PLEKHA3: variants seen among roughly 807,000 people sequenced by gnomAD.
The protein encoded by PLEKHA3 is pleckstrin homology domain-containing family A member 3.
Under a neutral mutation model 39.2 loss-of-function variants are expected in PLEKHA3, and 19 were observed. The ratio of observed to expected loss-of-function variants is 0.48; its 90% CI spans 0.34 to 0.71. The LOEUF (loss-of-function observed/expected upper bound fraction) is 0.71, where lower values mean the gene tolerates loss of function less well. PLEKHA3 is among the 30% of genes least tolerant of loss of function. PLEKHA3 has a pLI of 0.01. For synonymous variants in PLEKHA3, 97 were observed against 118.6 expected (o/e 0.82, Z 1.18); for missense variants, 253 against 359.5 (o/e 0.70, Z 2.40).
rs916211470 is a variant in PLEKHA3 at position 178,513,870 on chromosome 2, A to G, written c.*9983A>G. ...TTAAAAGTCTTCATTTGACAAATTTATATGGTAAATGAGCATAAAATGAAT... is the reference window on the plus strand; with the variant it reads ...TTAAAAGTCTTCATTTGACAAATTTGTATGGTAAATGAGCATAAAATGAAT... On this transcript the variant is annotated 3_prime_UTR_variant, in exon 8 of 8. Coordinates refer to ENST00000234453, the MANE Select transcript of PLEKHA3 (RefSeq NM_019091.4). 4.6e-5 allele frequency: 7 copies of G among 152,292 alleles called. No individual in the cohort carries two copies. Among genetic ancestry groups the G allele is most frequent in the African/African-American group, 1.4e-4 (6 of 41,556 alleles). The allele number at this position is 152,292 out of a possible 1,614,324, so 9.4% of individuals were successfully genotyped here. A position where few individuals can be genotyped will look rare whatever the true frequency, so the allele number is the denominator to read the frequency against.
rs189332824 is a variant in PLEKHA3, at chr2:178,494,441, C to A, written c.450+452C>A. Among the ~76,000 whole-genome samples, 218 of 152,286 alleles carry A rather than the reference C, an allele frequency of 1.4e-3. 5 individuals are homozygous for A. The South Asian group carries it at 0.022, about 15-fold the overall frequency. The stretch of plus-strand genomic sequence containing the variant: ...GAATCAAAACTCAGATTAGTAGGAT[C>A]GGGCTATAATAGGCTCATTCTTCAT... On this transcript the variant is annotated intron_variant, in intron 4 of 7. Transcript: ENST00000234453.
intron 5 of PLEKHA3, among the ~76,000 whole-genome samples, chr2:178,498,551 A>G (rs1004245851): frequency 6.6e-6 from 1 of 152,148 alleles, no homozygotes; most frequent in African/African-American, 2.4e-5. Flanking sequence ...TTATATTTTG[A>G]TGGAGTAGTT....
At chr2:178,496,923 T>C (rs1685459232) in intron 5 of PLEKHA3, among the ~76,000 whole-genome samples, 1 of 152,006 alleles carries the variant, frequency 6.6e-6, no homozygotes. Context: ...CCCAAGCTGG[T>C]CTCAAACTCC....
chr2:178,483,680 G>A (rs1978580), intron 1 of PLEKHA3, among the ~76,000 whole-genome samples: 55,772 of 152,018 alleles, frequency 0.37, 12,066 homozygotes, highest in East Asian at 0.66. Flanking sequence ...AATTTGTTTG[G>A]CAAGGTAAAT....
chr2:178,493,790 T>A, intron 3 of PLEKHA3, 63 bp from the exon 4 acceptor site: 1 of 1,425,414 alleles, frequency 7.0e-7, no homozygotes, highest in Non-Finnish European at 9.6e-7. Flanking sequence ...TGATTACATT[T>A]TGTTACATTG....
chr2:178,487,426 TTTTCTTTTC>T (rs1685267583), intron 2 of PLEKHA3, among the ~76,000 whole-genome samples: 1 of 132,228 alleles, frequency 7.6e-6, no homozygotes, highest in Non-Finnish European at 1.6e-5. Flanking sequence ...TTTTTCTTTT[TTTTCTTTTC>T]TTTTCTTTTT....
chr2:178,497,507 G>A (rs1164367792), intron 5 of PLEKHA3, among the ~76,000 whole-genome samples: 1 of 152,196 alleles, frequency 6.6e-6, no homozygotes, highest in East Asian at 1.9e-4. Context: ...TGGGATTACA[G>A]GCGTGAGACA....
rs549730269 is a variant in PLEKHA3 at position 178,487,508 on chromosome 2, G to A, written c.157+1751G>A. Among the ~76,000 whole-genome samples the A allele has an allele frequency of 1.4e-3, 214 of 151,648 alleles. 1 individual carries two copies. The highest frequency in any genetic ancestry group is 2.6e-3 in the Non-Finnish European group (174 of 67,942). Reference sequence around the variant, plus strand: ...GGCTGGAATGCAGTGGTGTGATCATGGCTCACTGCAGCCTCCACCTCCTGG... The same window carrying A: ...GGCTGGAATGCAGTGGTGTGATCATAGCTCACTGCAGCCTCCACCTCCTGG... On this transcript the variant is annotated intron_variant, in intron 2 of 7. Coordinates refer to ENST00000234453, the MANE Select transcript of PLEKHA3 (RefSeq NM_019091.4).
rs1256471340 is a variant in PLEKHA3, at chr2:178,506,201, T to G, written c.*2314T>G. ...TTAGTTATTAGTAGTCCCTTTTTTTTGCTTTGTCTAGGTCATGGGGTTATT... is the reference window on the plus strand; with the variant it reads ...TTAGTTATTAGTAGTCCCTTTTTTTGGCTTTGTCTAGGTCATGGGGTTATT... On this transcript the variant is annotated 3_prime_UTR_variant, in exon 8 of 8. Transcript: ENST00000234453. The G allele has an allele frequency of 2.0e-5, 3 of 152,164 alleles. No individual in the cohort carries two copies. The highest frequency in any genetic ancestry group is 4.4e-5 in the Non-Finnish European group (3 of 68,004). The allele number at this position is 152,164 out of a possible 1,614,324, so 9.4% of individuals were successfully genotyped here. A position where few individuals can be genotyped will look rare whatever the true frequency, so the allele number is the denominator to read the frequency against.
rs756773888 is a variant in PLEKHA3, at chr2:178,510,580, G to A, written c.*6693G>A. ...GCCGTGTAAAGGGCTTGTGGGCGTGGGTGAACACTCTCCTGCTCTTCTGCC... is the reference window on the plus strand; with the variant it reads ...GCCGTGTAAAGGGCTTGTGGGCGTGAGTGAACACTCTCCTGCTCTTCTGCC... On this transcript the variant is annotated 3_prime_UTR_variant, in exon 8 of 8. Coordinates refer to ENST00000234453, the MANE Select transcript of PLEKHA3 (RefSeq NM_019091.4). The A allele has an allele frequency of 3.3e-5, 5 of 153,752 alleles. No individual in the cohort carries two copies. Among genetic ancestry groups the A allele is most frequent in the East Asian group, 3.8e-4 (2 of 5,196 alleles). The allele number at this position is 153,752 out of a possible 1,614,324, so 9.5% of individuals were successfully genotyped here.
At chr2:178,485,601 G>A in intron 1 of PLEKHA3, 40 bp from the exon 2 acceptor site, 2 of 1,232,164 alleles carry the variant, frequency 1.6e-6, no homozygotes, top group Non-Finnish European at 2.4e-6. Flanking sequence ...TGAAAGTAAT[G>A]TGTTTCCAAT....
Position 178,509,453 on chromosome 2 carries a change from A to G in PLEKHA3, c.*5566A>G, listed in dbSNP as rs961650381. 1 of 151,066 alleles carries G rather than the reference A, an allele frequency of 6.6e-6. No individual in the cohort carries two copies. The highest frequency in any genetic ancestry group is 1.5e-5 in the Non-Finnish European group (1 of 67,810). 9.4% of individuals were successfully genotyped at this position (151,066 alleles called of 1,614,324 possible). On this transcript the variant is annotated 3_prime_UTR_variant, in exon 8 of 8. Coordinates refer to ENST00000234453, the MANE Select transcript of PLEKHA3 (RefSeq NM_019091.4). Reference sequence around the variant, plus strand: ...GTGTTAGTTATTAATATTGTTTACTATCATTATTATTATTACTACTATCAG... The same window carrying G: ...GTGTTAGTTATTAATATTGTTTACTGTCATTATTATTATTACTACTATCAG...
intron 7 of PLEKHA3, 139 bp downstream of exon 7, chr2:178,501,315 C>T (rs1685526945): frequency 6.2e-6 from 4 of 641,560 alleles, no homozygotes; most frequent in Non-Finnish European, 1.1e-5. Context: ...GGTAAGCAAA[C>T]AGCGCTCAAT....
intron 1 of PLEKHA3, among the ~76,000 whole-genome samples, chr2:178,483,995 T>C (rs1240560988): frequency 6.6e-6 from 1 of 152,128 alleles, no homozygotes; most frequent in Non-Finnish European, 1.5e-5. Context: ...GAGCACCTTT[T>C]GAGCCTAGGA....
At chr2:178,482,661 G>A (rs1559381687) in intron 1 of PLEKHA3, among the ~76,000 whole-genome samples, 1 of 151,910 alleles carries the variant, frequency 6.6e-6, no homozygotes, top group South Asian at 2.1e-4. Context: ...GGCCATTACT[G>A]AGATGAGTCA....
chr2:178,494,470 A>G (rs1685407364), intron 4 of PLEKHA3, among the ~76,000 whole-genome samples: 1 of 151,828 alleles, frequency 6.6e-6, no homozygotes, highest in Non-Finnish European at 1.5e-5. Flanking sequence ...TCTTCATGGT[A>G]AAATAGGACC....
At chr2:178,501,913 G>T (rs1425576214) in intron 7 of PLEKHA3, among the ~76,000 whole-genome samples, 1 of 151,972 alleles carries the variant, frequency 6.6e-6, no homozygotes, top group Non-Finnish European at 1.5e-5. Flanking sequence ...TTAAGGAACA[G>T]GTCGTGTTCC....
Position 178,512,563 on chromosome 2 carries a change from A to T in PLEKHA3, c.*8676A>T, listed in dbSNP as rs1389632359. The T allele has an allele frequency of 5.2e-5, 8 of 152,886 alleles. No individual in the cohort carries two copies. The highest frequency in any genetic ancestry group is 1.9e-4 in the African/African-American group (8 of 41,468). 9.5% of individuals were successfully genotyped at this position (152,886 alleles called of 1,614,324 possible). A position where few individuals can be genotyped will look rare whatever the true frequency, so the allele number is the denominator to read the frequency against. On this transcript the variant is annotated 3_prime_UTR_variant, in exon 8 of 8. Transcript: ENST00000234453. ...CAGATCTGGCAGCATGGGGACAATT[A>T]GGAACAAAGGAGAGAGAATAGAATC...
rs994119388 is a variant in PLEKHA3, at chr2:178,511,799, G to T, written c.*7912G>T. 1 of 151,910 alleles carries T rather than the reference G, an allele frequency of 6.6e-6. No individual in the cohort carries two copies. Among genetic ancestry groups the T allele is most frequent in the Non-Finnish European group, 1.5e-5 (1 of 68,062 alleles). 9.4% of individuals were successfully genotyped at this position (151,910 alleles called of 1,614,324 possible). A position where few individuals can be genotyped will look rare whatever the true frequency, so the allele number is the denominator to read the frequency against. ...TCTGAAAGTGCTGGGATTACAGGCG[G>T]GAGCCACCGTGCCTGACCTGACCTC... On this transcript the variant is annotated 3_prime_UTR_variant, in exon 8 of 8. Transcript: ENST00000234453.
Sources: gnomAD v4.1 joint callset for allele counts (sites outside exome capture counted in the v4.1 genomes callset) on GRCh38, gnomAD v4.1.1 for gene constraint, MANE v1.5 for transcripts, NCBI Gene and HGNC (gene_info 2026-07-23, HGNC 2026-07-21) for gene names.